Variants in PRPF6 observed in about 807,000 individuals in gnomAD.
PRPF6 encodes the protein pre-mRNA processing factor 6, also known as pre-mRNA-processing factor 6.
In PRPF6, 42 loss-of-function variants were observed where a neutral mutation model predicts 118.3. That is an observed-to-expected ratio of 0.35 (90% confidence interval 0.28 to 0.46). The LOEUF is 0.46. PRPF6 is among the 20% of genes least tolerant of loss of function. The pLI, the probability that PRPF6 is intolerant of heterozygous loss-of-function variation, is 1.00. For missense variants in PRPF6, 662 were observed against 1,255.7 expected (o/e 0.53, Z 7.15); for synonymous variants, 481 against 485.1 (o/e 0.99, Z 0.11).
At position 63,983,233 on chromosome 20, in the gene PRPF6, T is replaced by C; in HGVS notation, c.240+18T>C. 6.2e-7 allele frequency: 1 copy of C among 1,614,126 alleles called. No homozygotes were observed. Among genetic ancestry groups the C allele is most frequent in the South Asian group, 1.1e-5 (1 of 91,080 alleles). On this transcript the variant is annotated intron_variant, in intron 2 of 20. Transcript: ENST00000266079. The stretch of plus-strand genomic sequence containing the variant: ...ACGATGAGGTGAGATGTGTCCGGCT[T>C]TCGTGGCTCCTCCAGCCAGTCTCTG...
intron 12 of PRPF6, 58 bp downstream of exon 12, chr20:64,016,903 C>G (rs2059240985): frequency 6.2e-7 from 1 of 1,610,112 alleles, no homozygotes; most frequent in African/African-American, 1.3e-5. Flanking sequence ...GTGGGAACAG[C>G]AGGCACCTTA....
In PRPF6 at chr20:63,998,710, C is replaced by T. The variant is rs113914568; in HGVS notation, c.772-335C>T. Among the ~76,000 whole-genome samples, 304 of 151,484 alleles carry T rather than the reference C, an allele frequency of 2.0e-3. 7 individuals are homozygous for T. Among genetic ancestry groups the T allele is most frequent in the African/African-American group, 7.0e-3 (291 of 41,354 alleles). ...CAAAAAAATTAGCCAGGTGTGGTGG[C>T]GGGCGCCTGTAGTCCCAGCCACTCG... On this transcript the variant is annotated intron_variant, in intron 6 of 20. Transcript: ENST00000266079.
intron 20 of PRPF6, among the ~76,000 whole-genome samples, 164 bp from the exon 21 acceptor site, chr20:64,032,677 A>G (rs912632297): frequency 2.0e-5 from 3 of 152,198 alleles, no homozygotes; most frequent in African/African-American, 7.2e-5. Context: ...TGAGGAACAC[A>G]CCTGAAAGAG....
At chr20:63,985,385 A>G (rs897675883) in intron 3 of PRPF6, among the ~76,000 whole-genome samples, 1 of 151,892 alleles carries the variant, frequency 6.6e-6, no homozygotes, top group African/African-American at 2.4e-5. Context: ...ATTGTTTTAT[A>G]TTTGGAGAAA....
At chr20:63,983,288 G>T (rs1156901509) in intron 2 of PRPF6, 73 bp downstream of exon 2, 30 of 1,588,522 alleles carry the variant, frequency 1.9e-5, no homozygotes, top group Non-Finnish European at 2.3e-5. Context: ...GTGTGTGTTG[G>T]TGTCTGTAAT....
At chr20:64,006,220 C>CTCTCCAG (rs2059189253) in intron 9 of PRPF6, among the ~76,000 whole-genome samples, 1 of 152,216 alleles carries the variant, frequency 6.6e-6, no homozygotes, top group Admixed American at 6.5e-5. Context: ...CAGGGTTAGC[C>CTCTCCAG]TCTCCAGCCA....
At chr20:64,023,039 T>C (rs2059273428) in intron 13 of PRPF6, among the ~76,000 whole-genome samples, 161 bp downstream of exon 13, 1 of 152,212 alleles carries the variant, frequency 6.6e-6, no homozygotes, top group Non-Finnish European at 1.5e-5. Context: ...TTTGGGACTT[T>C]GCAACTGGAT....
At chr20:63,999,325 A>G (rs887602131) in intron 7 of PRPF6, among the ~76,000 whole-genome samples, 186 bp downstream of exon 7, 3 of 152,202 alleles carry the variant, frequency 2.0e-5, no homozygotes, top group Non-Finnish European at 4.4e-5. Flanking sequence ...TCAATGTGTT[A>G]CATATGATAC....
At chr20:64,024,941 C>G (rs1325125129) in intron 14 of PRPF6, among the ~76,000 whole-genome samples, 1 of 152,120 alleles carries the variant, frequency 6.6e-6, no homozygotes, top group Non-Finnish European at 1.5e-5. Flanking sequence ...TGTTTCAGAA[C>G]ATGGAACACG....
chr20:63,994,081 C>T (rs567393177), intron 4 of PRPF6, among the ~76,000 whole-genome samples: 3 of 151,850 alleles, frequency 2.0e-5, no homozygotes, highest in East Asian at 1.9e-4. Flanking sequence ...TAAACTGTGT[C>T]CCCTGGGCTT....
At chr20:63,992,437 T>G (rs2122997382) in intron 3 of PRPF6, among the ~76,000 whole-genome samples, 1 of 152,098 alleles carries the variant, frequency 6.6e-6, no homozygotes, top group Admixed American at 6.5e-5. Context: ...AATTTTCATA[T>G]TTTTAGTATA....
rs945896604 is a variant in PRPF6, at chr20:64,029,209, G to A, written c.2432-168G>A. On this transcript the variant is annotated intron_variant, in intron 18 of 20. Transcript: ENST00000266079. This position sits in a 1 kb window ranked among gnomAD's most constrained non-coding sequence, Gnocchi z 4.8. Reference sequence around the variant, plus strand: ...TCAGGGCTGCCATGGTTTTGGGTGGGCCAGAGTGCTCATCCTTTGTGGTTC... The same window carrying A: ...TCAGGGCTGCCATGGTTTTGGGTGGACCAGAGTGCTCATCCTTTGTGGTTC... Among the ~76,000 whole-genome samples the A allele has an allele frequency of 3.9e-5, 6 of 152,176 alleles. No individual in the cohort carries two copies. The East Asian group carries it at 9.6e-4, about 24-fold the overall frequency.
Position 63,981,199 on chromosome 20 carries a change from C to T in PRPF6, c.-47C>T, listed in dbSNP as rs368087444. 5.9e-5 allele frequency: 92 copies of T among 1,559,886 alleles called. No homozygotes were observed. The African/African-American group carries it at 9.3e-4, about 16-fold the overall frequency. On this transcript the variant is annotated 5_prime_UTR_variant, in exon 1 of 21. Coordinates refer to ENST00000266079, the MANE Select transcript of PRPF6 (RefSeq NM_012469.4). ...TAGAGTCTCTGCGTCTTTCCCTCTTCCGCTGCCTCATTCCTTTCCTTCCTA... is the reference window on the plus strand; with the variant it reads ...TAGAGTCTCTGCGTCTTTCCCTCTTTCGCTGCCTCATTCCTTTCCTTCCTA...
rs201892310 is a variant in PRPF6 at position 64,022,894 on chromosome 20, C to T, written c.1769+16C>T. On this transcript the variant is annotated intron_variant, in intron 13 of 20. Transcript: ENST00000266079. ...ATGGCACTCGGTATGTGGTGGGACCCGCCTGCCCAAGGGTGCTAATGAAAC... is the reference window on the plus strand; with the variant it reads ...ATGGCACTCGGTATGTGGTGGGACCTGCCTGCCCAAGGGTGCTAATGAAAC... 3.7e-4 allele frequency: 605 copies of T among 1,613,870 alleles called. No individual in the cohort carries two copies. Among genetic ancestry groups the T allele is most frequent in the Non-Finnish European group, 4.8e-4 (563 of 1,179,920 alleles).
intron 12 of PRPF6, among the ~76,000 whole-genome samples, chr20:64,021,548 C>CTG (rs1224009927): frequency 1.4e-3 from 192 of 140,956 alleles, no homozygotes; most frequent in African/African-American, 4.7e-3. Flanking sequence ...AGCCCCGTGT[C>CTG]TGTGTGTGTG....
intron 9 of PRPF6, among the ~76,000 whole-genome samples, chr20:64,003,372 G>A (rs761533905): frequency 6.6e-6 from 1 of 152,204 alleles, no homozygotes; most frequent in Non-Finnish European, 1.5e-5. Flanking sequence ...TGAGGCTTCT[G>A]TGCTGATAGG....
chr20:63,993,509 G>C, intron 4 of PRPF6, 24 bp downstream of exon 4: 1 of 1,591,226 alleles, frequency 6.3e-7, no homozygotes, highest in Non-Finnish European at 8.6e-7. Context: ...GCGGTGAATG[G>C]TGTGCGGTTT....
chr20:64,029,340 G>T lies in PRPF6; in HGVS notation c.2432-37G>T. 6.3e-7 allele frequency: 1 copy of T among 1,587,686 alleles called. No individual in the cohort carries two copies. Among genetic ancestry groups the T allele is most frequent in the Non-Finnish European group, 8.6e-7 (1 of 1,156,496 alleles). The stretch of plus-strand genomic sequence containing the variant: ...GGGCACCTTTCCGGAACCAGAGGCT[G>T]GAGTGCAAATCTTTGTTCTTTGTTT... On this transcript the variant is annotated intron_variant, in intron 18 of 20. Coordinates refer to ENST00000266079, the MANE Select transcript of PRPF6 (RefSeq NM_012469.4). The surrounding 1 kb of genome is among the most constrained non-coding windows in gnomAD (Gnocchi z 4.8).
intron 9 of PRPF6, among the ~76,000 whole-genome samples, chr20:64,009,561 A>G (rs1211250632): frequency 6.6e-6 from 1 of 152,072 alleles, no homozygotes; most frequent in Non-Finnish European, 1.5e-5. Context: ...CGTCCCTACT[A>G]AAAATACAAA....
Sources: gnomAD v4.1 joint callset for allele counts (sites outside exome capture counted in the v4.1 genomes callset) on GRCh38, gnomAD v4.1.1 for gene constraint, Gnocchi (gnomAD v3.1) non-coding constraint, MANE v1.5 for transcripts, NCBI Gene and HGNC (gene_info 2026-07-23, HGNC 2026-07-21) for gene names.